USP32: variants seen among roughly 807,000 people sequenced by gnomAD.
The protein encoded by USP32 is ubiquitin carboxyl-terminal hydrolase 32.
USP32 carries 59 observed loss-of-function variants against 204.8 expected under a neutral mutation model. That is an observed-to-expected ratio of 0.29 (90% CI 0.23 to 0.36). The LOEUF (loss-of-function observed/expected upper bound fraction) is 0.36. Among genes scored for constraint, USP32 ranks in the 10% least tolerant of loss-of-function variants. The pLI is 1.00. For missense variants in USP32, 1,160 were observed against 1,946.4 expected, an observed-to-expected ratio of 0.60 and a Z score of 7.60; for synonymous variants, 517 against 678.4, an observed-to-expected ratio of 0.76 and a Z score of 3.70.
At chr17:60,286,894 T>C (rs1389857503) in intron 5 of USP32, among the ~76,000 whole-genome samples, 1 of 152,192 alleles carries the variant, frequency 6.6e-6, no homozygotes, top group African/African-American at 2.4e-5. Flanking sequence ...ATGCCAGTAA[T>C]CCTAGCACTT....
At chr17:60,305,466 C>T (rs376147291) in intron 2 of USP32, among the ~76,000 whole-genome samples, 1 of 152,178 alleles carries the variant, frequency 6.6e-6, no homozygotes, top group African/African-American at 2.4e-5. Context: ...TCCCACGAGG[C>T]CCCACCTCCA....
At chr17:60,229,583 G>A (rs1385267295) in intron 12 of USP32, among the ~76,000 whole-genome samples, 2 of 152,178 alleles carry the variant, frequency 1.3e-5, no homozygotes, top group Non-Finnish European at 2.9e-5. Context: ...TAAAGATGGA[G>A]CAAGACAGAC....
intron 1 of USP32, among the ~76,000 whole-genome samples, chr17:60,378,552 T>C (rs1000971503): frequency 6.6e-6 from 1 of 152,150 alleles, no homozygotes; most frequent in African/African-American, 2.4e-5. Flanking sequence ...CTCAAATATG[T>C]CCCATCAACA....
chr17:60,294,905 G>T (rs976469460), intron 3 of USP32, 104 bp from the exon 4 acceptor site: 1 of 659,460 alleles, frequency 1.5e-6, no homozygotes, highest in East Asian at 2.7e-5. Context: ...GTGATTACTA[G>T]GGCCAAGCAC....
intron 29 of USP32, among the ~76,000 whole-genome samples, chr17:60,190,273 GC>G (rs2084344949): frequency 8.5e-5 from 13 of 152,140 alleles, no homozygotes; most frequent in African/African-American, 1.4e-4. Context: ...TTCCCAGGCT[GC>G]CGAACAGTAA....
intron 2 of USP32, chr17:60,304,817 C>A (rs2087682559): frequency 6.6e-6 from 1 of 152,104 alleles, no homozygotes; most frequent in African/African-American, 2.4e-5. Context: ...TAACATTGAC[C>A]TCATTAATAA....
intron 13 of USP32, among the ~76,000 whole-genome samples, chr17:60,225,074 C>A (rs2085348866): frequency 6.6e-6 from 1 of 152,084 alleles, no homozygotes; most frequent in African/African-American, 2.4e-5. Flanking sequence ...TAGAGAGAGT[C>A]CTGGAGATGA....
intron 3 of USP32, among the ~76,000 whole-genome samples, chr17:60,299,631 T>C (rs1463306334): frequency 1.3e-5 from 2 of 152,170 alleles, no homozygotes; most frequent in East Asian, 3.9e-4. Flanking sequence ...ACATGAACTT[T>C]GGGTAACGTG....
chr17:60,229,578 A>T (rs1314610629), intron 12 of USP32, among the ~76,000 whole-genome samples: 1 of 152,190 alleles, frequency 6.6e-6, no homozygotes, highest in African/African-American at 2.4e-5. Context: ...GCCCATAAAG[A>T]TGGAGCAAGA....
Position 60,181,599 on chromosome 17 carries a change from C to T in USP32, c.4273G>A (p.Glu1425Lys). ...GSKNKLSSSK[E>K]NLDASKENGA... ...TTTTCTTTGCTGGCATCCAAGTTCT[C>T]TTTACTACTTGACAGTTTATTTTTG... Residue 1425 changes from glutamate to lysine, a missense_variant, in exon 32 of 34, where the codon GAG becomes AAG. Glu to Lys is a moderately conservative substitution (Grantham distance 56, BLOSUM62 1). Around this residue, in one of 8 missense-constraint regions of USP32, gnomAD observed 244 missense variants for 342.3 expected, o/e 0.71. Coordinates refer to ENST00000300896, the MANE Select transcript of USP32 (RefSeq NM_032582.4). 1 of 1,614,022 alleles carries T rather than the reference C, an allele frequency of 6.2e-7. No individual in the cohort carries two copies. The highest frequency in any genetic ancestry group is 8.5e-7 in the Non-Finnish European group (1 of 1,179,876).
At chr17:60,280,001 A>G (rs1431685645) in intron 5 of USP32, among the ~76,000 whole-genome samples, 1 of 152,018 alleles carries the variant, frequency 6.6e-6, no homozygotes, top group African/African-American at 2.4e-5. Flanking sequence ...CTTAATTTAA[A>G]TAGATAAGGT....
intron 9 of USP32, among the ~76,000 whole-genome samples, chr17:60,260,533 AT>A (rs995597387): frequency 6.6e-6 from 1 of 151,308 alleles, no homozygotes; most frequent in African/African-American, 2.4e-5. Flanking sequence ...AAAAAAAAAA[AT>A]ACAGGAATAA....
intron 2 of USP32, among the ~76,000 whole-genome samples, chr17:60,339,035 A>G (rs1270201872): frequency 6.6e-6 from 1 of 151,712 alleles, no homozygotes; most frequent in African/African-American, 2.4e-5. Context: ...TTGGCCTCCC[A>G]AGTAGCTGGG....
chr17:60,204,774 C>G (rs996937103), intron 26 of USP32, among the ~76,000 whole-genome samples: 2 of 150,620 alleles, frequency 1.3e-5, no homozygotes, highest in Non-Finnish European at 3.0e-5. Context: ...TGGCCATTTT[C>G]TTTCTTTCTT....
At chr17:60,280,104 ATTATTT>A (rs1305855104) in intron 5 of USP32, among the ~76,000 whole-genome samples, 1 of 151,788 alleles carries the variant, frequency 6.6e-6, no homozygotes, top group African/African-American at 2.4e-5. Context: ...TATTATTATT[ATTATTT>A]TTTGAGATGG....
At chr17:60,222,685 T>A in intron 14 of USP32, 136 bp from the exon 15 acceptor site, 1 of 872,246 alleles carries the variant, frequency 1.1e-6, no homozygotes, top group Non-Finnish European at 1.7e-6. Context: ...TAATTTTTTT[T>A]TTTTTTTTTT....
intron 11 of USP32, among the ~76,000 whole-genome samples, chr17:60,245,105 T>C (rs1598132070): frequency 6.6e-6 from 1 of 152,258 alleles, no homozygotes; most frequent in South Asian, 2.1e-4. Context: ...GGGAACAACA[T>C]GGTTTTATAA....
intron 1 of USP32, among the ~76,000 whole-genome samples, chr17:60,347,413 G>C (rs1387752854): frequency 6.6e-6 from 1 of 151,060 alleles, no homozygotes; most frequent in Non-Finnish European, 1.5e-5. Context: ...GAGTGCAGTG[G>C]CACGATTTCT....
chr17:60,201,444 A>T (rs565496164), intron 26 of USP32, among the ~76,000 whole-genome samples: 6 of 152,168 alleles, frequency 3.9e-5, no homozygotes, highest in African/African-American at 1.4e-4. Flanking sequence ...AGAAAATTGT[A>T]TTCCAAAGTA....
Sources: allele counts gnomAD v4.1 joint callset (sites outside exome capture counted in the v4.1 genomes callset), GRCh38; gene constraint gnomAD v4.1.1; regional missense constraint gnomAD v4.1.1; transcripts MANE v1.5; gene names NCBI Gene and HGNC (gene_info 2026-07-23, HGNC 2026-07-21).